Variants in SPATA13 observed in about 807,000 individuals in gnomAD.
SPATA13 encodes spermatogenesis associated 13.
SPATA13 carries 50 observed loss-of-function variants against 104.0 expected under a neutral mutation model. That is an observed-to-expected ratio of 0.48 (90% CI 0.38 to 0.61). The LOEUF is 0.61. Among genes scored for constraint, SPATA13 ranks in the 20% least tolerant of loss-of-function variants. The probability of loss-of-function intolerance (pLI) is 0.00; values close to 1 mark genes in which losing one functional copy is unlikely to be tolerated. For synonymous variants in SPATA13, 606 were observed against 667.5 expected, an observed-to-expected ratio of 0.91 and a Z score of 1.42; for missense variants, 1,524 against 1,690.6, an observed-to-expected ratio of 0.90 and a Z score of 1.73.
At chr13:24,235,819 C>G (rs1872536377) in intron 2 of SPATA13, among the ~76,000 whole-genome samples, 1 of 152,176 alleles carries the variant, frequency 6.6e-6, no homozygotes, top group Admixed American at 6.5e-5. Flanking sequence ...ATTGCTCCAT[C>G]CACTACTGAG....
At chr13:24,302,523 C>T (rs1877272111) in intron 12 of SPATA13, 75 bp from the exon 13 acceptor site, 2 of 724,096 alleles carry the variant, frequency 2.8e-6, no homozygotes, top group Non-Finnish European at 4.1e-6. Context: ...GGAGTCTCAG[C>T]ATTTTTATTT....
intron 3 of SPATA13, among the ~76,000 whole-genome samples, chr13:24,114,892 C>CCTCT (rs1462923360): frequency 6.6e-6 from 1 of 152,150 alleles, no homozygotes; most frequent in African/African-American, 2.4e-5. Flanking sequence ...GAACTCCTGA[C>CCTCT]CTCTGGTGAT....
intron 2 of SPATA13, among the ~76,000 whole-genome samples, chr13:24,232,433 A>G (rs1872330218): frequency 6.6e-6 from 1 of 152,266 alleles, no homozygotes; most frequent in Non-Finnish European, 1.5e-5. Flanking sequence ...GCACCCAGAA[A>G]TAATGCTTTA....
intron 4 of SPATA13, among the ~76,000 whole-genome samples, chr13:24,255,365 C>G (rs1034978920): frequency 6.6e-6 from 1 of 152,112 alleles, no homozygotes; most frequent in Non-Finnish European, 1.5e-5. Flanking sequence ...TGGCTCAGGT[C>G]GGGCTCTGCT....
At chr13:24,187,844 C>T (rs1381248477) in intron 1 of SPATA13, among the ~76,000 whole-genome samples, 1 of 152,048 alleles carries the variant, frequency 6.6e-6, no homozygotes, top group African/African-American at 2.4e-5. Flanking sequence ...TGAAAGTAGG[C>T]CAATTAATAA....
intron 3 of SPATA13, among the ~76,000 whole-genome samples, chr13:24,145,486 A>T (rs1881900039): frequency 6.6e-6 from 1 of 152,212 alleles, no homozygotes; most frequent in Non-Finnish European, 1.5e-5. Context: ...GAGTCCACAG[A>T]GGACATAAAC....
intron 8 of SPATA13, 37 bp downstream of exon 8, chr13:24,289,215 C>T (rs1876164845): frequency 6.4e-7 from 1 of 1,550,398 alleles, no homozygotes. Flanking sequence ...ATAACATCTG[C>T]TTACATAATT....
intron 3 of SPATA13, among the ~76,000 whole-genome samples, chr13:24,068,660 C>T (rs2862248): frequency 0.45 from 68,740 of 151,900 alleles, 15,883 homozygotes; most frequent in East Asian, 0.53. Flanking sequence ...TATTTTTGGA[C>T]TATTTTGACT....
chr13:24,212,939 G>C (rs1871105476), intron 1 of SPATA13, among the ~76,000 whole-genome samples: 1 of 152,246 alleles, frequency 6.6e-6, no homozygotes, highest in Non-Finnish European at 1.5e-5. Flanking sequence ...CATGAGGATA[G>C]GCATGTGGCC....
At chr13:24,164,511 C>G (rs549704357) in intron 1 of SPATA13, among the ~76,000 whole-genome samples, 125 of 152,310 alleles carry the variant, frequency 8.2e-4, no homozygotes, top group Non-Finnish European at 1.5e-3. Flanking sequence ...GATGGGTGAT[C>G]AGGTACCATC....
chr13:24,126,027 G>C lies in SPATA13; in HGVS notation c.-111-96792G>C, dbSNP rs538877227. On this transcript the variant is annotated intron_variant, in intron 3 of 14. Transcript: ENST00000424834. ...TTGGGGAGGTACGAATAGAGCAGGG[G>C]AGCCAGGAGCCCTGTATCAAACAGG... Among the ~76,000 whole-genome samples the C allele has an allele frequency of 2.6e-5, 4 of 152,290 alleles. No homozygotes were observed. The East Asian group carries it at 7.7e-4, about 29-fold the overall frequency.
intron 3 of SPATA13, among the ~76,000 whole-genome samples, chr13:24,024,933 CATATATATATAAAT>C (rs1258010434): frequency 2.7e-5 from 4 of 147,256 alleles, no homozygotes; most frequent in Non-Finnish European, 4.5e-5. Context: ...CATTCAAATT[CATATATATATAAAT>C]ATATATATAA....
intron 3 of SPATA13, among the ~76,000 whole-genome samples, chr13:24,116,291 C>T (rs1164595100): frequency 6.6e-6 from 1 of 152,232 alleles, no homozygotes; most frequent in African/African-American, 2.4e-5. Flanking sequence ...AGGCACTAGT[C>T]CCAGCCATGA....
intron 10 of SPATA13, among the ~76,000 whole-genome samples, chr13:24,295,746 A>T (rs1221757023): frequency 6.6e-6 from 1 of 152,146 alleles, no homozygotes; most frequent in South Asian, 2.1e-4. Flanking sequence ...TGTTTACCAC[A>T]TGTCTGAATG....
At chr13:24,282,019 T>G (rs1249170209) in intron 4 of SPATA13, among the ~76,000 whole-genome samples, 1 of 152,200 alleles carries the variant, frequency 6.6e-6, no homozygotes, top group Non-Finnish European at 1.5e-5. Flanking sequence ...TTATTGTGGA[T>G]CTTTTTCCAT....
chr13:24,246,647 C>G (rs1873154029), intron 2 of SPATA13, among the ~76,000 whole-genome samples: 1 of 152,126 alleles, frequency 6.6e-6, no homozygotes, highest in Non-Finnish European at 1.5e-5. Context: ...ATCATGAGGT[C>G]AGGAGTTCGA....
rs1390301734 is a variant in SPATA13, at chr13:24,017,741, CCTT to C, written c.-112+44_-112+46del. Reference sequence around the variant, plus strand: ...GAGTCCGTTCTTCCCTCTCCTTCCTCCTTCTTTCTCCTTTAAATCCTACCTCCA... The same window carrying C: ...GAGTCCGTTCTTCCCTCTCCTTCCTCCTTTCTCCTTTAAATCCTACCTCCA... On this transcript the variant is annotated intron_variant, in intron 3 of 14. Coordinates refer to the SPATA13 transcript ENST00000424834. 8.2e-6 allele frequency: 8 copies of C among 976,114 alleles called. No homozygotes were observed. The Admixed American group carries it at 2.5e-4, about 30-fold the overall frequency. 60.5% of individuals were successfully genotyped at this position (976,114 alleles called of 1,614,324 possible).
intron 3 of SPATA13, chr13:24,122,731 A>C: frequency 1.1e-6 from 1 of 875,838 alleles, no homozygotes; most frequent in Non-Finnish European, 2.0e-6. Context: ...ATATCTGTAA[A>C]GTAATCAAAG....
Position 24,113,369 on chromosome 13 carries a change from A to ATG in SPATA13, c.-112+95668_-112+95669insTG, listed in dbSNP as rs1217790495. Among the ~76,000 whole-genome samples, 23 of 151,696 alleles carry ATG rather than the reference A, an allele frequency of 1.5e-4. No individual in the cohort carries two copies. The East Asian group carries it at 4.5e-3, about 30-fold the overall frequency. The stretch of plus-strand genomic sequence containing the variant: ...TGTAATCCCAGCACTTTGGGAGGCC[A>ATG]AGGCGGGTGGATCACTTGAGGTCAG... On this transcript the variant is annotated intron_variant, in intron 3 of 14. Transcript: ENST00000424834.
Sources: allele counts gnomAD v4.1 joint callset (sites outside exome capture counted in the v4.1 genomes callset), GRCh38; gene constraint gnomAD v4.1.1; transcripts MANE v1.5; gene names NCBI Gene and HGNC (gene_info 2026-07-23, HGNC 2026-07-21).